Variants in TMC7 observed in about 807,000 individuals in gnomAD.
TMC7 encodes the protein transmembrane channel-like protein 7.
TMC7 carries 54 observed loss-of-function variants against 82.9 expected under a neutral mutation model. The ratio of observed to expected loss-of-function variants is 0.65; its 90% CI spans 0.52 to 0.82. TMC7 has a LOEUF of 0.82. TMC7 is among the 40% of genes least tolerant of loss of function. TMC7 has a pLI of 0.00. For synonymous variants in TMC7, 350 were observed against 337.9 expected (o/e 1.04, Z -0.39); for missense variants, 820 against 901.2 (o/e 0.91, Z 1.15).
Position 19,052,225 on chromosome 16 carries a change from C to T in TMC7, c.1871+409C>T, listed in dbSNP as rs545156777. Among the ~76,000 whole-genome samples, 10 of 152,252 alleles carry T rather than the reference C, an allele frequency of 6.6e-5. No individual in the cohort carries two copies. In the South Asian group the frequency reaches 2.1e-3, roughly 32 times the overall value. ...CGGATTACAGGCGTGACGCACTGTGCCTTTATTGGCTTTTCTCATGGTGTT... is the reference window on the plus strand; with the variant it reads ...CGGATTACAGGCGTGACGCACTGTGTCTTTATTGGCTTTTCTCATGGTGTT... On this transcript the variant is annotated intron_variant, in intron 13 of 15. Transcript: ENST00000304381.
chr16:19,045,481 A>T (rs967093610), intron 11 of TMC7, 43 bp downstream of exon 11: 3 of 1,312,352 alleles, frequency 2.3e-6, no homozygotes, highest in Non-Finnish European at 3.3e-6. Context: ...CACCACACAC[A>T]TGCACACACA....
At chr16:19,047,369 T>A in intron 12 of TMC7, 120 bp downstream of exon 12, 1 of 848,308 alleles carries the variant, frequency 1.2e-6, no homozygotes, top group South Asian at 2.0e-5. Context: ...ATCCTTTATT[T>A]AAAATATATG....
chr16:18,996,542 A>G (rs1286829016), intron 1 of TMC7, among the ~76,000 whole-genome samples: 1 of 152,232 alleles, frequency 6.6e-6, no homozygotes, highest in Non-Finnish European at 1.5e-5. Flanking sequence ...GGGGCCAAGC[A>G]GTATTGCAGA....
At chr16:19,053,899 T>A (rs1231950748) in intron 13 of TMC7, among the ~76,000 whole-genome samples, 3 of 150,946 alleles carry the variant, frequency 2.0e-5, no homozygotes, top group Non-Finnish European at 4.4e-5. Context: ...CCCAGGCTAG[T>A]CTTGAACTCC....
chr16:19,052,737 C>T (rs552635257), intron 13 of TMC7, among the ~76,000 whole-genome samples: 5 of 152,150 alleles, frequency 3.3e-5, no homozygotes, highest in African/African-American at 9.6e-5. Flanking sequence ...TTATGAGACA[C>T]GGTCTCACTC....
intron 1 of TMC7, among the ~76,000 whole-genome samples, chr16:19,001,412 G>A (rs2039138512): frequency 6.6e-6 from 1 of 152,164 alleles, no homozygotes; most frequent in Admixed American, 6.5e-5. Context: ...TGAGTGTGGT[G>A]GTTCACACCT....
At chr16:18,995,518 ATGG>A (rs2142131813) in intron 1 of TMC7, among the ~76,000 whole-genome samples, 1 of 152,278 alleles carries the variant, frequency 6.6e-6, no homozygotes, top group South Asian at 2.1e-4. Flanking sequence ...TCCCACACAG[ATGG>A]GACACGGCTT....
At position 19,056,730 on chromosome 16, in the gene TMC7, C is replaced by T. The variant is rs144498422; in HGVS notation, c.2027+33C>T. The T allele has an allele frequency of 3.2e-4, 516 of 1,604,616 alleles. No homozygotes were observed. In the African/African-American group the frequency reaches 6.2e-3, roughly 19 times the overall value. ...AGAACCACCAGGACCCACTGAGGCACGTGGGCTCCTCCCATTGGGAAATGG... is the reference window on the plus strand; with the variant it reads ...AGAACCACCAGGACCCACTGAGGCATGTGGGCTCCTCCCATTGGGAAATGG... On this transcript the variant is annotated intron_variant, in intron 14 of 15. Transcript: ENST00000304381.
Position 19,016,510 on chromosome 16 carries a change from C to T in TMC7, c.372C>T (p.Ser124=). ...AATGGGACCAGTGGAAGCGGTATAG[C>T]AGCAAGTCTTGGAAGAGGTTCCTAG... ...LSEWDQWKRY[S]SKSWKRFLEK... is the part of the protein sequence containing the mutation. The change falls in exon 3 of 16, where the codon AGC becomes AGT. Residue 124 remains serine, a synonymous_variant. Transcript: ENST00000304381. 3.1e-6 allele frequency: 5 copies of T among 1,614,136 alleles called. No homozygotes were observed. The highest frequency in any genetic ancestry group is 4.2e-6 in the Non-Finnish European group (5 of 1,180,042).
intron 1 of TMC7, among the ~76,000 whole-genome samples, chr16:18,997,729 CTTTTT>C (rs60256405): frequency 3.3e-5 from 4 of 119,480 alleles, no homozygotes; most frequent in African/African-American, 3.1e-5. Context: ...CAAATCCAGC[CTTTTT>C]TTTTTTTTTT....
chr16:19,034,559 C>T (rs1168343431), intron 6 of TMC7, among the ~76,000 whole-genome samples: 1 of 151,948 alleles, frequency 6.6e-6, no homozygotes, highest in African/African-American at 2.4e-5. Context: ...GACTGCACCA[C>T]TGCACTCCAG....
intron 13 of TMC7, among the ~76,000 whole-genome samples, chr16:19,053,121 T>C (rs1961611771): frequency 6.6e-6 from 1 of 152,116 alleles, no homozygotes; most frequent in East Asian, 1.9e-4. Context: ...AGGGTGTAAA[T>C]TGAAGAGAAA....
chr16:18,992,843 A>G (rs1296474210), intron 1 of TMC7, among the ~76,000 whole-genome samples: 3 of 152,176 alleles, frequency 2.0e-5, no homozygotes, highest in African/African-American at 2.4e-5. Context: ...AGAACTATTT[A>G]TTAAATAGGG....
At chr16:18,995,262 G>C (rs1449071336) in intron 1 of TMC7, among the ~76,000 whole-genome samples, 2 of 152,188 alleles carry the variant, frequency 1.3e-5, no homozygotes, top group African/African-American at 4.8e-5. Flanking sequence ...CCCTTGAAAA[G>C]AGGGTAATGT....
chr16:19,016,678 GGT>G, intron 3 of TMC7, 80 bp downstream of exon 3: 1 of 1,439,690 alleles, frequency 6.9e-7, no homozygotes, highest in Non-Finnish European at 9.4e-7. Context: ...TTTCCACTAG[GGT>G]CTAGCTGAAA....
intron 2 of TMC7, among the ~76,000 whole-genome samples, chr16:19,015,759 A>G (rs1400993358): frequency 6.6e-6 from 1 of 151,894 alleles, no homozygotes; most frequent in Non-Finnish European, 1.5e-5. Context: ...TATTTTTAGT[A>G]GAGATGGAGT....
At chr16:18,984,975 T>A (rs933778195) in intron 1 of TMC7, among the ~76,000 whole-genome samples, 2 of 152,116 alleles carry the variant, frequency 1.3e-5, no homozygotes, top group African/African-American at 4.8e-5. Flanking sequence ...AAACCAAGGA[T>A]GTAGGGCCGG....
chr16:19,046,979 C>A, intron 11 of TMC7, 84 bp from the exon 12 acceptor site: 1 of 1,175,060 alleles, frequency 8.5e-7, no homozygotes, highest in Non-Finnish European at 1.2e-6. Context: ...GAGAAATATG[C>A]ATGGAAATAG....
At chr16:19,023,338 G>T (rs1239383997) in intron 5 of TMC7, 143 bp downstream of exon 5, 2 of 499,480 alleles carry the variant, frequency 4.0e-6, no homozygotes, top group Non-Finnish European at 7.2e-6. Flanking sequence ...AACAGGATTT[G>T]CAGTTACCTC....
Sources: allele counts gnomAD v4.1 joint callset (sites outside exome capture counted in the v4.1 genomes callset), GRCh38; gene constraint gnomAD v4.1.1; transcripts MANE v1.5; gene names NCBI Gene and HGNC (gene_info 2026-07-23, HGNC 2026-07-21).